Variants in ZNF784 observed in about 807,000 individuals in gnomAD.
ZNF784 encodes zinc finger protein 784.
A neutral mutation model predicts 3.3 loss-of-function variants in ZNF784; 5 were observed. The observed-to-expected ratio is 1.53, with a 90% CI of 0.80 to 3.22. The LOEUF (loss-of-function observed/expected upper bound fraction) is 3.22, where lower values mean the gene tolerates loss of function less well. Ranked by LOEUF, ZNF784 falls within the 30% of genes most tolerant of loss-of-function variation. The probability of loss-of-function intolerance (pLI) is 0.00; values close to 1 mark genes in which losing one functional copy is unlikely to be tolerated. For synonymous variants in ZNF784, 231 were observed against 219.6 expected, an observed-to-expected ratio of 1.05 and a Z score of -0.46; for missense variants, 501 against 480.7, an observed-to-expected ratio of 1.04 and a Z score of -0.39.
rs777636302 is a variant in ZNF784, at chr19:55,624,489, C to G, written c.73G>C (p.Asp25His). 1.4e-5 allele frequency: 22 copies of G among 1,604,898 alleles called. No individual in the cohort carries two copies. The highest frequency in any genetic ancestry group is 8.5e-7 in the Non-Finnish European group (1 of 1,176,814). Residue 25 changes from aspartate (D) to histidine (H), a missense_variant, in exon 1 of 2, where the codon GAC (aspartate) becomes CAC (histidine). By Grantham distance (81) the Asp-to-His change is moderately conservative. Transcript: ENST00000325351. ...GGCCCCTTCCTTGCCCGCACCAGGT[C>G]CAGTGGCTCCTGGGATCGCGACTCC... ...TPESRSQEPL[D>H]LVLVPDDCRP... is the part of the protein sequence containing the mutation.
At position 55,621,850 on chromosome 19, in the gene ZNF784, C is replaced by A. The variant is rs547187695; in HGVS notation, c.873G>T (p.Ser291=). The change falls in exon 2 of 2, where the codon TCG becomes TCT. Residue 291 remains serine, a synonymous_variant. Coordinates refer to ENST00000325351, the MANE Select transcript of ZNF784 (RefSeq NM_203374.2). The surrounding 1 kb of genome is among the most constrained non-coding windows in gnomAD (Gnocchi z 4.1). ...CGCTCCCCGACCCCTCAGCCGCCGA[C>A]GAGCCCAGCTGGCCTCCAGAGTCTC... is the stretch of plus-strand genomic sequence containing the variant. The part of the protein sequence containing the change: ...GLGDSGGQLG[S]SAAEGSGSGC... 4.4e-6 allele frequency: 7 copies of A among 1,584,092 alleles called. No homozygotes were observed. In the Admixed American group the frequency reaches 8.7e-5, roughly 20 times the overall value.
rs1981679042 is a variant in ZNF784, at chr19:55,624,483, C to G, written c.78+1G>C. ...CGCCCAGGCCCCTTCCTTGCCCGCA[C>G]CAGGTCCAGTGGCTCCTGGGATCGC... On this transcript the variant is annotated splice_donor_variant, in intron 1 of 1. Coordinates refer to ENST00000325351, the MANE Select transcript of ZNF784 (RefSeq NM_203374.2). LOFTEE classifies it high-confidence loss of function. The G allele has an allele frequency of 2.5e-6, 4 of 1,604,160 alleles. No homozygotes were observed. The East Asian group carries it at 9.0e-5, about 36-fold the overall frequency.
chr19:55,621,667 C>T lies in ZNF784; in HGVS notation c.*84G>A. ...CCCCCAATCTCCCCTCTTCTGTCCC[C>T]TGCCTCCGTTTCCCCACCCCGTCCC... On this transcript the variant is annotated 3_prime_UTR_variant, in exon 2 of 2. Transcript: ENST00000325351. This position sits in a 1 kb window ranked among gnomAD's most constrained non-coding sequence, Gnocchi z 4.1. The T allele has an allele frequency of 6.6e-7, 1 of 1,512,516 alleles. No homozygotes were observed. Among genetic ancestry groups the T allele is most frequent in the African/African-American group, 1.4e-5 (1 of 73,934 alleles). 93.7% of individuals were successfully genotyped at this position (1,512,516 alleles called of 1,614,324 possible).
Position 55,621,909 on chromosome 19 carries a change from G to C in ZNF784, c.814C>G (p.Arg272Gly), listed in dbSNP as rs1343125659. ...GGCCCCGGCCCGTGGAAGTGGGTGC[G>C]CTGGTGCTTGCGGAAGTTGGAGGAG... ...NNSSNFRKHQ[R>G]THFHGPGPGL... The change falls in exon 2 of 2, where the codon CGC (arginine) becomes GGC (glycine). Residue 272 changes from arginine (R) to glycine (G), a missense_variant. Physicochemically the swap from Arg to Gly is moderately radical, Grantham distance 125. Coordinates refer to ENST00000325351, the MANE Select transcript of ZNF784 (RefSeq NM_203374.2). The surrounding 1 kb of genome is among the most constrained non-coding windows in gnomAD (Gnocchi z 4.1). The C allele has an allele frequency of 6.3e-7, 1 of 1,593,790 alleles. No homozygotes were observed. Among genetic ancestry groups the C allele is most frequent in the Non-Finnish European group, 8.5e-7 (1 of 1,176,062 alleles).
At position 55,622,126 on chromosome 19, in the gene ZNF784, C is replaced by A; in HGVS notation, c.597G>T (p.Arg199Ser). The A allele has an allele frequency of 6.5e-7, 1 of 1,547,702 alleles. No homozygotes were observed. Among genetic ancestry groups the A allele is most frequent in the South Asian group, 1.2e-5 (1 of 85,014 alleles). The change falls in exon 2 of 2, where the codon AGG (arginine) becomes AGT (serine). Residue 199 changes from arginine (R) to serine (S), a missense_variant. By Grantham distance (110) the Arg-to-Ser change is moderately radical. Coordinates refer to ENST00000325351, the MANE Select transcript of ZNF784 (RefSeq NM_203374.2). This position sits in a 1 kb window ranked among gnomAD's most constrained non-coding sequence, Gnocchi z 5.9. ...GAAVGKPFAC[R>S]FCAKPFRRSS... ...AGCGGCGGAAGGGCTTGGCGCAGAA[C>A]CTGCAGGCAAAAGGCTTCCCCACCG...
chr19:55,624,249 C>T (rs1312655249), intron 1 of ZNF784, among the ~76,000 whole-genome samples: 1 of 151,294 alleles, frequency 6.6e-6, no homozygotes, highest in Non-Finnish European at 1.5e-5. Flanking sequence ...TCAGACTCCG[C>T]CCCCATCCAG....
chr19:55,623,567 CA>C (rs1463371959), intron 1 of ZNF784, among the ~76,000 whole-genome samples: 7 of 152,172 alleles, frequency 4.6e-5, no homozygotes, highest in African/African-American at 1.7e-4. Context: ...TTTTCGCACT[CA>C]AAACCCTCCA....
chr19:55,622,641 G>A lies in ZNF784; in HGVS notation c.82C>T (p.Leu28=), dbSNP rs1981613351. 3.9e-6 allele frequency: 6 copies of A among 1,547,602 alleles called. No individual in the cohort carries two copies. The highest frequency in any genetic ancestry group is 4.4e-6 in the Non-Finnish European group (5 of 1,146,384). Residue 28 remains leucine (L), a synonymous_variant, in exon 2 of 2, where the codon CTG becomes TTG. Transcript: ENST00000325351. This position sits in a 1 kb window ranked among gnomAD's most constrained non-coding sequence, Gnocchi z 5.9. ...SRSQEPLDLV[L]VPDDCRPGTP... ...CCAGGCCGGCAGTCATCAGGCACCA[G>A]GACCTGGGCAAGAGGAGAAGAAAGA...
Position 55,624,478 on chromosome 19 carries a change from C to T in ZNF784, c.78+6G>A. On this transcript the variant is annotated splice_donor_region_variant and intron_variant, in intron 1 of 1. Coordinates refer to ENST00000325351, the MANE Select transcript of ZNF784 (RefSeq NM_203374.2). ...CCCCACGCCCAGGCCCCTTCCTTGCCCGCACCAGGTCCAGTGGCTCCTGGG... is the reference window on the plus strand; with the variant it reads ...CCCCACGCCCAGGCCCCTTCCTTGCTCGCACCAGGTCCAGTGGCTCCTGGG... 6.2e-7 allele frequency: 1 copy of T among 1,602,778 alleles called. No homozygotes were observed. Among genetic ancestry groups the T allele is most frequent in the Non-Finnish European group, 8.5e-7 (1 of 1,175,816 alleles).
intron 1 of ZNF784, among the ~76,000 whole-genome samples, chr19:55,623,601 A>G (rs1375678593): frequency 6.6e-6 from 1 of 152,306 alleles, no homozygotes; most frequent in East Asian, 1.9e-4. Context: ...GACTTATCCC[A>G]AATCGTCACT....
At chr19:55,623,509 C>T (rs907991374) in intron 1 of ZNF784, among the ~76,000 whole-genome samples, 2 of 152,218 alleles carry the variant, frequency 1.3e-5, no homozygotes, top group African/African-American at 4.8e-5. Flanking sequence ...ACCCACCTCC[C>T]AGGAATAGCC....
Position 55,624,524 on chromosome 19 carries a change from G to T in ZNF784, c.38C>A (p.Ser13Ter). 2 of 1,603,798 alleles carry T rather than the reference G, an allele frequency of 1.2e-6. No individual in the cohort carries two copies. The highest frequency in any genetic ancestry group is 2.3e-5 in the East Asian group (1 of 44,232). The change falls in exon 1 of 2, where the codon TCA becomes TAA. Residue 13 changes from serine (S) to a stop codon, truncating the protein, a stop_gained. Coordinates refer to ENST00000325351, the MANE Select transcript of ZNF784 (RefSeq NM_203374.2). LOFTEE classifies it low-confidence loss of function (END_TRUNC). ...CTGGGATCGCGACTCCGGAGTCGGT[G>T]AGCTCCGACTCTGGGCCTCTGGGCG... ...AARPEAQSRS[S>*]PTPESRSQEP...
chr19:55,624,428 C>T, intron 1 of ZNF784, 56 bp downstream of exon 1: 1 of 1,502,292 alleles, frequency 6.7e-7, no homozygotes, highest in Non-Finnish European at 9.0e-7. Flanking sequence ...CCGCCCCCCA[C>T]ACTACGACCT....
In ZNF784 at chr19:55,622,112, G is replaced by C. The variant is rs1448337153; in HGVS notation, c.611C>G (p.Pro204Arg). The change falls in exon 2 of 2, where the codon CCC becomes CGC. Residue 204 changes from proline to arginine, a missense_variant. By Grantham distance (103) the Pro-to-Arg change is moderately radical. Coordinates refer to ENST00000325351, the MANE Select transcript of ZNF784 (RefSeq NM_203374.2). This position sits in a 1 kb window ranked among gnomAD's most constrained non-coding sequence, Gnocchi z 5.9. The part of the protein sequence containing the change: ...KPFACRFCAK[P>R]FRRSSDMRDH... The stretch of plus-strand genomic sequence containing the variant: ...TCGCATGTCTGAGGAGCGGCGGAAG[G>C]GCTTGGCGCAGAACCTGCAGGCAAA... 1.9e-6 allele frequency: 3 copies of C among 1,557,264 alleles called. No homozygotes were observed. The highest frequency in any genetic ancestry group is 2.3e-5 in the South Asian group (2 of 85,836).
chr19:55,622,645 C>T lies in ZNF784; in HGVS notation c.79-1G>A. On this transcript the variant is annotated splice_acceptor_variant, in intron 1 of 1. Coordinates refer to ENST00000325351, the MANE Select transcript of ZNF784 (RefSeq NM_203374.2). LOFTEE classifies it high-confidence loss of function. The surrounding 1 kb of genome is among the most constrained non-coding windows in gnomAD (Gnocchi z 5.9). ...GCCGGCAGTCATCAGGCACCAGGAC[C>T]TGGGCAAGAGGAGAAGAAAGAGGAG... 1.3e-6 allele frequency: 2 copies of T among 1,544,816 alleles called. No homozygotes were observed. The highest frequency in any genetic ancestry group is 1.7e-6 in the Non-Finnish European group (2 of 1,145,022).
At position 55,621,546 on chromosome 19, in the gene ZNF784, A is replaced by C; in HGVS notation, c.*205T>G. On this transcript the variant is annotated 3_prime_UTR_variant, in exon 2 of 2. Transcript: ENST00000325351. This position sits in a 1 kb window ranked among gnomAD's most constrained non-coding sequence, Gnocchi z 4.1. ...ACCTGTCCTCTCCTAGGCCTGGCAG[A>C]GGTGCTGTGTGGGCGTGTGGGAGTC... The C allele has an allele frequency of 2.9e-6, 2 of 693,154 alleles. No individual in the cohort carries two copies. Among genetic ancestry groups the C allele is most frequent in the Admixed American group, 5.8e-5 (2 of 34,300 alleles). The allele number at this position is 693,154 out of a possible 1,614,324, so 42.9% of individuals were successfully genotyped here. A position where few individuals can be genotyped will look rare whatever the true frequency, so the allele number is the denominator to read the frequency against.
rs1981590988 is a variant in ZNF784 at position 55,622,250 on chromosome 19, G to C, written c.473C>G (p.Ser158Cys). The change falls in exon 2 of 2, where the codon TCT becomes TGT. Residue 158 changes from serine (S) to cysteine (C), a missense_variant. Physicochemically the swap from Ser to Cys is moderately radical, Grantham distance 112 (BLOSUM62 -1). Coordinates refer to ENST00000325351, the MANE Select transcript of ZNF784 (RefSeq NM_203374.2). The surrounding 1 kb of genome is among the most constrained non-coding windows in gnomAD (Gnocchi z 5.9). Reference protein sequence around the residue: ...QHRHGVEPGTSRRPPDTAAVA... With the variant: ...QHRHGVEPGTCRRPPDTAAVA... The stretch of plus-strand genomic sequence containing the variant: ...GGCCGCTGTGTCCGGAGGCCTCCGA[G>C]AGGTGCCCGGCTCCACCCCGTGCCG... 6.5e-7 allele frequency: 1 copy of C among 1,536,362 alleles called. No homozygotes were observed. Among genetic ancestry groups the C allele is most frequent in the Non-Finnish European group, 8.7e-7 (1 of 1,145,604 alleles).
chr19:55,624,469 C>T lies in ZNF784; in HGVS notation c.78+15G>A, dbSNP rs1418830622. On this transcript the variant is annotated intron_variant, in intron 1 of 1. Coordinates refer to ENST00000325351, the MANE Select transcript of ZNF784 (RefSeq NM_203374.2). ...CACCTCGAGCCCCACGCCCAGGCCCCTTCCTTGCCCGCACCAGGTCCAGTG... is the reference window on the plus strand; with the variant it reads ...CACCTCGAGCCCCACGCCCAGGCCCTTTCCTTGCCCGCACCAGGTCCAGTG... The T allele has an allele frequency of 2.3e-5, 36 of 1,598,790 alleles. No homozygotes were observed. Among genetic ancestry groups the T allele is most frequent in the Non-Finnish European group, 3.1e-5 (36 of 1,173,834 alleles).
rs1981527434 is a variant in ZNF784 at position 55,620,932 on chromosome 19, T to C, written c.*819A>G. On this transcript the variant is annotated 3_prime_UTR_variant, in exon 2 of 2. Transcript: ENST00000325351. The stretch of plus-strand genomic sequence containing the variant: ...TAAGCTGTTTGCTTCGAACTGGGAG[T>C]GGAGGAAATTAGAGAAACCTGAGGC... 6.6e-6 allele frequency: 1 copy of C among 152,524 alleles called. No individual in the cohort carries two copies. Among genetic ancestry groups the C allele is most frequent in the Non-Finnish European group, 1.5e-5 (1 of 68,070 alleles). 9.4% of individuals were successfully genotyped at this position (152,524 alleles called of 1,614,324 possible). A position where few individuals can be genotyped will look rare whatever the true frequency, so the allele number is the denominator to read the frequency against.
Sources: gnomAD v4.1 joint callset for allele counts (sites outside exome capture counted in the v4.1 genomes callset) on GRCh38, gnomAD v4.1.1 for gene constraint, Gnocchi (gnomAD v3.1) non-coding constraint, MANE v1.5 for transcripts, NCBI Gene and HGNC (gene_info 2026-07-23, HGNC 2026-07-21) for gene names.